MUC4: variants seen among roughly 807,000 people sequenced by gnomAD.
The protein encoded by MUC4 is mucin 4, cell surface associated.
Under a neutral mutation model 257.9 loss-of-function variants are expected in MUC4, and 202 were observed. That is an observed-to-expected ratio of 0.78 (90% CI 0.70 to 0.88). The LOEUF is 0.88. MUC4 is among the 40% of genes least tolerant of loss of function. The pLI is 0.00. For synonymous variants in MUC4, 2,351 were observed against 2,757.1 expected, an observed-to-expected ratio of 0.85 and a Z score of 4.62; for missense variants, 5,976 against 6,513.7, an observed-to-expected ratio of 0.92 and a Z score of 2.84.
intron 18 of MUC4, 147 bp downstream of exon 18, chr3:195,757,000 G>C (rs1446019514): frequency 2.5e-6 from 2 of 789,230 alleles, no homozygotes; most frequent in Non-Finnish European, 4.0e-6. Context: ...TGTGGCCTGA[G>C]ACTGGAATCT....
chr3:195,761,643 G>C, intron 14 of MUC4, 58 bp from the exon 15 acceptor site: 1 of 1,376,852 alleles, frequency 7.3e-7, no homozygotes, highest in Non-Finnish European at 1.0e-6. Flanking sequence ...CCTTCCTGGG[G>C]AGCATCCGGC....
intron 13 of MUC4, 141 bp from the exon 14 acceptor site, chr3:195,762,395 AG>A (rs1719208171): frequency 8.4e-6 from 8 of 950,606 alleles, no homozygotes; most frequent in Non-Finnish European, 1.2e-5. Flanking sequence ...GGCGGAGAAG[AG>A]GCCGGCGAGC....
intron 21 of MUC4, 48 bp from the exon 22 acceptor site, chr3:195,751,319 G>T (rs369983590): frequency 6.0e-5 from 85 of 1,417,160 alleles, no homozygotes; most frequent in Non-Finnish European, 7.0e-5. Flanking sequence ...CCCCATCCGG[G>T]GGGGAGACGC....
rs1185646176 is a variant in MUC4 at position 195,779,952 on chromosome 3, G to T, written c.11628C>A (p.Thr3876=). The T allele has an allele frequency of 5.2e-5, 76 of 1,471,688 alleles. 6 individuals are homozygous for T. Among genetic ancestry groups the T allele is most frequent in the Non-Finnish European group, 6.8e-5 (76 of 1,112,566 alleles). 91.2% of individuals were successfully genotyped at this position (1,471,688 alleles called of 1,614,324 possible). Residue 3876 remains threonine, a synonymous_variant, in exon 2 of 25, where the codon ACC becomes ACA. Transcript: ENST00000463781. The part of the protein sequence containing the change: ...STGHATPLPV[T]GLSSASTGDT... Reference sequence around the variant, plus strand: ...CACCTGTGGAAGCTGAGGAAAGGCCGGTAACAGGAAGAGGGGTGGCGTGAC... The same window carrying T: ...CACCTGTGGAAGCTGAGGAAAGGCCTGTAACAGGAAGAGGGGTGGCGTGAC...
intron 21 of MUC4, chr3:195,751,719 G>A (rs745570875): frequency 7.3e-5 from 18 of 247,044 alleles, no homozygotes; most frequent in African/African-American, 2.2e-4. Flanking sequence ...AGATTTTACC[G>A]TGTGGAGTGT....
At position 195,779,212 on chromosome 3, in the gene MUC4, G is replaced by A; in HGVS notation, c.12368C>T (p.Thr4123Ile). ...GACAGGAAGAGGGGTGGCCTGACCT[G>A]TGGATGCAGAGGAAGTGTCGGTGAC... ...LPVTDTSSASTGQATPLPVTS... is the reference protein window; with the variant it reads ...LPVTDTSSASIGQATPLPVTS... Residue 4123 changes from threonine (T) to isoleucine (I), a missense_variant, in exon 2 of 25, where the codon ACA (threonine) becomes ATA (isoleucine). Thr to Ile is a moderately conservative substitution (Grantham distance 89). This residue lies in a region of MUC4 where 293 missense variants were observed against 294.5 expected (regional missense o/e 1.00). Coordinates refer to ENST00000463781, the MANE Select transcript of MUC4 (RefSeq NM_018406.7). The A allele has an allele frequency of 7.7e-7, 1 of 1,303,542 alleles. No individual in the cohort carries two copies. The highest frequency in any genetic ancestry group is 1.0e-6 in the Non-Finnish European group (1 of 969,484). The allele number at this position is 1,303,542 out of a possible 1,614,324, so 80.7% of individuals were successfully genotyped here.
In MUC4 at chr3:195,811,841, CTCCCTGGGGAAGCT is replaced by C. The variant is rs750021398; in HGVS notation, c.-38_-25del. On this transcript the variant is annotated 5_prime_UTR_variant, in exon 1 of 25. Transcript: ENST00000463781. Reference sequence around the variant, plus strand: ...ATGGCTGCGGCAAAAGTCCCCCTGGCTCCCTGGGGAAGCTCCACGGCCCAGCAGCTGCAGTGTGA... The same window carrying C: ...ATGGCTGCGGCAAAAGTCCCCCTGGCCCACGGCCCAGCAGCTGCAGTGTGA... 6.2e-7 allele frequency: 1 copy of C among 1,610,128 alleles called. No individual in the cohort carries two copies. The highest frequency in any genetic ancestry group is 8.5e-7 in the Non-Finnish European group (1 of 1,177,086).
chr3:195,808,884 CAGAT>C (rs1050618405), intron 1 of MUC4, among the ~76,000 whole-genome samples: 13 of 152,160 alleles, frequency 8.5e-5, no homozygotes, highest in Non-Finnish European at 1.6e-4. Context: ...CCCAGACTGA[CAGAT>C]AGACCGGGGG....
intron 1 of MUC4, among the ~76,000 whole-genome samples, chr3:195,799,384 A>T (rs561921571): frequency 6.6e-6 from 1 of 152,190 alleles, no homozygotes; most frequent in South Asian, 2.1e-4. Flanking sequence ...ATTTCGGCCC[A>T]CTGCAACCTC....
intron 13 of MUC4, among the ~76,000 whole-genome samples, chr3:195,762,481 C>T (rs1467378061): frequency 6.6e-6 from 1 of 151,516 alleles, no homozygotes; most frequent in African/African-American, 2.4e-5. Flanking sequence ...TGCACCGCCA[C>T]GCACCGGGCC....
chr3:195,752,314 C>T (rs1017123828), intron 21 of MUC4, 59 bp downstream of exon 21: 47 of 1,434,104 alleles, frequency 3.3e-5, no homozygotes, highest in Non-Finnish European at 3.9e-5. Flanking sequence ...GATGGTTCCG[C>T]CCTGGCCTGA....
chr3:195,780,319 G>C lies in MUC4; in HGVS notation c.11261C>G (p.Ser3754Cys). The C allele has an allele frequency of 1.3e-6, 2 of 1,527,568 alleles. No individual in the cohort carries two copies. Among genetic ancestry groups the C allele is most frequent in the Non-Finnish European group, 1.8e-6 (2 of 1,130,288 alleles). 94.6% of individuals were successfully genotyped at this position (1,527,568 alleles called of 1,614,324 possible). Residue 3754 changes from serine (S) to cysteine (C), a missense_variant, in exon 2 of 25, where the codon TCC becomes TGC. Transcript: ENST00000463781. ...PLPVTSTSSA[S>C]TGHATPLLVT... ...AAGAAGAGGGGTGGCGTGACCTGTG[G>C]ATGCTGAGGAAGTGCTGGTGACAGG...
In MUC4 at chr3:195,767,587, A is replaced by ACCACCACCACCATCATCACCATTG. The variant is rs1560262081; in HGVS notation, c.13530-860_13530-837dup. ...TGCCACCACCATCACCACCACCATC[A>ACCACCACCACCATCATCACCATTG]CCACCACCACCATCATCACCATTGC... On this transcript the variant is annotated intron_variant, in intron 7 of 24. Coordinates refer to ENST00000463781, the MANE Select transcript of MUC4 (RefSeq NM_018406.7). 2.3e-4 allele frequency among the ~76,000 whole-genome samples: 25 copies of ACCACCACCACCATCATCACCATTG among 110,764 alleles called. No homozygotes were observed. In the East Asian group the frequency reaches 4.0e-3, roughly 18 times the overall value. 72.7% of individuals were successfully genotyped at this position (110,764 alleles called of 152,430 possible).
At chr3:195,766,567 G>A (rs1720541361) in intron 8 of MUC4, 96 bp downstream of exon 8, 1 of 1,104,840 alleles carries the variant, frequency 9.1e-7, no homozygotes, top group Non-Finnish European at 1.4e-6. Context: ...TGGCCGTGAT[G>A]TTAGGGAGGT....
In MUC4 at chr3:195,762,099, C is replaced by G; in HGVS notation, c.14500G>C (p.Glu4834Gln). 6.2e-7 allele frequency: 1 copy of G among 1,601,130 alleles called. No homozygotes were observed. The highest frequency in any genetic ancestry group is 8.5e-7 in the Non-Finnish European group (1 of 1,176,508). ...SLPPEYQNRT[E>Q]GLLGVWNNNP... ...GAGCCGCCCTCACCCAGGAGCCCCT[C>G]CGTGCGGTTCTGGTACTCGGGCGGG... is the stretch of plus-strand genomic sequence containing the variant. Residue 4834 changes from glutamate (E) to glutamine (Q), a missense_variant, in exon 14 of 25, where the codon GAG (glutamate) becomes CAG (glutamine). Coordinates refer to ENST00000463781, the MANE Select transcript of MUC4 (RefSeq NM_018406.7).
Position 195,783,136 on chromosome 3 carries a change from G to T in MUC4, c.8444C>A (p.Thr2815Asn), listed in dbSNP as rs879056262. The change falls in exon 2 of 25, where the codon ACC (threonine) becomes AAC (asparagine). Residue 2815 changes from threonine (T) to asparagine (N), a missense_variant. By Grantham distance (65) the Thr-to-Asn change is moderately conservative. Coordinates refer to ENST00000463781, the MANE Select transcript of MUC4 (RefSeq NM_018406.7). Reference sequence around the variant, plus strand: ...GGAAGCGTCGGTGACAGGAAGAGAGGTGGCGTGACCTGTGGACACTGACGA... The same window carrying T: ...GGAAGCGTCGGTGACAGGAAGAGAGTTGGCGTGACCTGTGGACACTGACGA... ...DASSVSTGHA[T>N]SLPVTDASSV... is the part of the protein sequence containing the mutation. The T allele has an allele frequency of 1.5e-6, 2 of 1,325,208 alleles. No individual in the cohort carries two copies. The highest frequency in any genetic ancestry group is 3.1e-5 in the African/African-American group (2 of 64,176). The allele number at this position is 1,325,208 out of a possible 1,614,324, so 82.1% of individuals were successfully genotyped here. A position where few individuals can be genotyped will look rare whatever the true frequency, so the allele number is the denominator to read the frequency against.
At chr3:195,793,953 C>T (rs986034957) in intron 1 of MUC4, among the ~76,000 whole-genome samples, 5 of 151,736 alleles carry the variant, frequency 3.3e-5, no homozygotes, top group Non-Finnish European at 7.4e-5. Context: ...AATTATTTCC[C>T]AGGCAGAGGC....
chr3:195,752,831 G>A (rs1038023942), intron 20 of MUC4, among the ~76,000 whole-genome samples: 1 of 152,184 alleles, frequency 6.6e-6, no homozygotes, highest in African/African-American at 2.4e-5. Context: ...CTCTGCCTCC[G>A]TCCTTCCTCC....
Position 195,783,198 on chromosome 3 carries a change from G to C in MUC4, c.8382C>G (p.Ser2794=). The C allele has an allele frequency of 7.3e-7, 1 of 1,372,814 alleles. No individual in the cohort carries two copies. 85.0% of individuals were successfully genotyped at this position (1,372,814 alleles called of 1,614,324 possible). The change falls in exon 2 of 25, where the codon TCC becomes TCG. Residue 2794 remains serine (S), a synonymous_variant. Transcript: ENST00000463781. The part of the protein sequence containing the change: ...PLHVTSPSSA[S]TGHTTPLPVT... ...CAGGAAGAGGGGTGGTGTGACCTGT[G>C]GATGCTGAGGAAGGGCTGGTGACAT...
Sources: gnomAD v4.1 joint callset for allele counts (sites outside exome capture counted in the v4.1 genomes callset) on GRCh38, gnomAD v4.1.1 for gene constraint, gnomAD v4.1.1 regional missense constraint, MANE v1.5 for transcripts, NCBI Gene and HGNC (gene_info 2026-07-23, HGNC 2026-07-21) for gene names.